Variants in RBM23 observed in about 807,000 individuals in gnomAD.
RBM23 encodes RNA binding motif protein 23.
A neutral mutation model predicts 56.2 loss-of-function variants in RBM23; 53 were observed. The ratio of observed to expected loss-of-function variants is 0.94; its 90% CI spans 0.76 to 1.19. The LOEUF (loss-of-function observed/expected upper bound fraction) is 1.19. Among genes scored for constraint, RBM23 ranks in the 50% most tolerant of loss-of-function variants. RBM23 has a pLI of 0.00. For missense variants in RBM23, 642 were observed against 590.3 expected (o/e 1.09, Z -0.91); for synonymous variants, 197 against 198.5 (o/e 0.99, Z 0.06).
rs531525731 is a variant in RBM23 at position 22,899,792 on chromosome 14, G to A, written c.*1938C>T. 6.6e-6 allele frequency: 1 copy of A among 152,222 alleles called. No homozygotes were observed. Among genetic ancestry groups the A allele is most frequent in the East Asian group, 1.9e-4 (1 of 5,204 alleles). 9.4% of individuals were successfully genotyped at this position (152,222 alleles called of 1,614,324 possible). ...TCAAGCAGGCTTCAAGTATTTAAAT[G>A]ATTTTGTGTTAAAAGCAACCCCAGA... On this transcript the variant is annotated 3_prime_UTR_variant, in exon 14 of 14. Coordinates refer to ENST00000359890, the MANE Select transcript of RBM23 (RefSeq NM_001077351.2).
At chr14:22,904,832 C>T (rs1392358877) in intron 9 of RBM23, 43 bp downstream of exon 9, 1 of 1,611,246 alleles carries the variant, frequency 6.2e-7, no homozygotes, top group Non-Finnish European at 8.5e-7. Flanking sequence ...ACCCTCCCCA[C>T]TTCTTCCAAT....
chr14:22,913,566 A>C (rs1010591176), intron 1 of RBM23, among the ~76,000 whole-genome samples: 1 of 151,938 alleles, frequency 6.6e-6, no homozygotes, highest in African/African-American at 2.4e-5. Context: ...GTTTGACACC[A>C]ACCTGACAAT....
chr14:22,910,515 G>A (rs1445188785), intron 2 of RBM23, among the ~76,000 whole-genome samples: 4 of 146,952 alleles, frequency 2.7e-5, no homozygotes, highest in African/African-American at 5.0e-5. Context: ...AAGGAAGGGA[G>A]AAGGAGGGAG....
At chr14:22,906,767 G>A (rs544964384) in intron 4 of RBM23, among the ~76,000 whole-genome samples, 4 of 152,344 alleles carry the variant, frequency 2.6e-5, no homozygotes, top group South Asian at 2.1e-4. Flanking sequence ...GGCTGGGCGC[G>A]GTGGCTCACG....
intron 1 of RBM23, 121 bp downstream of exon 1, chr14:22,918,878 A>C (rs1039492883): frequency 6.6e-6 from 1 of 152,164 alleles, no homozygotes; most frequent in African/African-American, 2.4e-5. Context: ...TTTAATGTTA[A>C]AAGTTCGCCT....
At chr14:22,909,162 C>T (rs113966566) in intron 3 of RBM23, among the ~76,000 whole-genome samples, 10,981 of 151,930 alleles carry the variant, frequency 0.072, 748 homozygotes, top group African/African-American at 0.18. Context: ...AATCTGGTCT[C>T]GAACTCCTGA....
chr14:22,908,544 C>T, intron 3 of RBM23, 164 bp from the exon 4 acceptor site: 3 of 627,716 alleles, frequency 4.8e-6, no homozygotes, highest in Non-Finnish European at 7.8e-6. Flanking sequence ...AGGCATGTAC[C>T]ATCATGCCCA....
intron 9 of RBM23, 91 bp downstream of exon 9, chr14:22,904,784 C>A: frequency 6.4e-7 from 1 of 1,561,562 alleles, no homozygotes; most frequent in Non-Finnish European, 8.7e-7. Flanking sequence ...GCAGGTTAAT[C>A]ACGGCCAGGC....
chr14:22,903,920 A>C (rs1173798016), intron 10 of RBM23: 8 of 1,229,426 alleles, frequency 6.5e-6, no homozygotes, highest in Non-Finnish European at 8.2e-6. Context: ...CAATTCTATA[A>C]AGCATGTCTT....
intron 1 of RBM23, among the ~76,000 whole-genome samples, chr14:22,918,497 T>C (rs1308606110): frequency 1.3e-5 from 2 of 152,164 alleles, no homozygotes; most frequent in Non-Finnish European, 2.9e-5. Flanking sequence ...ATAATACGCC[T>C]ACTGGAATGA....
intron 1 of RBM23, among the ~76,000 whole-genome samples, chr14:22,918,281 G>A (rs1305876380): frequency 1.3e-5 from 2 of 152,032 alleles, no homozygotes; most frequent in Non-Finnish European, 2.9e-5. Context: ...TGTAATCCCA[G>A]CTACTCGGGA....
At chr14:22,904,071 G>A (rs932270366) in intron 10 of RBM23, 190 bp downstream of exon 10, 5 of 1,522,646 alleles carry the variant, frequency 3.3e-6, no homozygotes, top group Non-Finnish European at 4.4e-6. Context: ...CTGACAGAGT[G>A]TAGGAGCAAA....
chr14:22,909,198 C>T (rs1341927195), intron 3 of RBM23, among the ~76,000 whole-genome samples: 1 of 152,200 alleles, frequency 6.6e-6, no homozygotes, highest in Non-Finnish European at 1.5e-5. Flanking sequence ...CCACCTCGGC[C>T]TCCCAAAGTG....
At position 22,905,617 on chromosome 14, in the gene RBM23, C is replaced by A; in HGVS notation, c.444G>T (p.Lys148Asn). 6.2e-7 allele frequency: 1 copy of A among 1,610,898 alleles called. No individual in the cohort carries two copies. The highest frequency in any genetic ancestry group is 1.3e-5 in the African/African-American group (1 of 75,022). ...GHSKSPHFREKSPVREPVDNL... is the reference protein window; with the variant it reads ...GHSKSPHFRENSPVREPVDNL... ...CATTATCAACCCACCTGACTGGGCT[C>A]TTCTCTCTGAAATGAGGACTCTTAC... Residue 148 changes from lysine to asparagine, a missense_variant, in exon 6 of 14, where the codon AAG (lysine) becomes AAT (asparagine). Coordinates refer to ENST00000359890, the MANE Select transcript of RBM23 (RefSeq NM_001077351.2).
intron 10 of RBM23, 103 bp downstream of exon 10, chr14:22,904,158 C>A: frequency 1.3e-6 from 2 of 1,595,346 alleles, no homozygotes; most frequent in Non-Finnish European, 1.7e-6. Context: ...GTTTATGGGT[C>A]ATTTAGACAG....
At chr14:22,914,986 CAAAAAAAAA>C (rs367972024) in intron 1 of RBM23, among the ~76,000 whole-genome samples, 1 of 101,970 alleles carries the variant, frequency 9.8e-6, no homozygotes, top group Admixed American at 1.1e-4. Context: ...GACTCCATCT[CAAAAAAAAA>C]AAAAAAAAAG....
In RBM23 at chr14:22,905,181, T is replaced by G. The variant is rs1360784740; in HGVS notation, c.639A>C (p.Glu213Asp). Residue 213 changes from glutamate (E) to aspartate (D), a missense_variant, in exon 8 of 14, where the codon GAA becomes GAC. Coordinates refer to ENST00000359890, the MANE Select transcript of RBM23 (RefSeq NM_001077351.2). Reference sequence around the variant, plus strand: ...GTGGCACAGACTGGATTTCACAGAATTCCACGTAGGCAATGCCCTTAGAAC... The same window carrying G: ...GTGGCACAGACTGGATTTCACAGAAGTCCACGTAGGCAATGCCCTTAGAAC... ...SRRSKGIAYV[E>D]FCEIQSVPLA... The G allele has an allele frequency of 1.2e-6, 2 of 1,614,220 alleles. No homozygotes were observed. Among genetic ancestry groups the G allele is most frequent in the Non-Finnish European group, 1.7e-6 (2 of 1,180,022 alleles).
rs2040336207 is a variant in RBM23, at chr14:22,900,259, GGCAGGTACAAAGGCCA to G, written c.*1455_*1470del. 6.6e-6 allele frequency: 1 copy of G among 152,128 alleles called. No individual in the cohort carries two copies. The highest frequency in any genetic ancestry group is 2.4e-5 in the African/African-American group (1 of 41,408). The allele number at this position is 152,128 out of a possible 1,614,324, so 9.4% of individuals were successfully genotyped here. ...GATCGCTACTACAAAGAGGGTCAAAGGCAGGTACAAAGGCCAATAGAGTTAAGAAAGCTCAGCTTAG... is the reference window on the plus strand; with the variant it reads ...GATCGCTACTACAAAGAGGGTCAAAGATAGAGTTAAGAAAGCTCAGCTTAG... On this transcript the variant is annotated 3_prime_UTR_variant, in exon 14 of 14. Transcript: ENST00000359890.
In RBM23 at chr14:22,906,186, A is replaced by C; in HGVS notation, c.401+9T>G. The C allele has an allele frequency of 6.2e-7, 1 of 1,613,370 alleles. No individual in the cohort carries two copies. On this transcript the variant is annotated intron_variant, in intron 5 of 13. Coordinates refer to ENST00000359890, the MANE Select transcript of RBM23 (RefSeq NM_001077351.2). ...ATACAAAAGTGAATCTATTAGCAAAAAGTGATACCCAGTGGCAAGTGGAGG... is the reference window on the plus strand; with the variant it reads ...ATACAAAAGTGAATCTATTAGCAAACAGTGATACCCAGTGGCAAGTGGAGG...
Sources: gnomAD v4.1 joint callset for allele counts (sites outside exome capture counted in the v4.1 genomes callset) on GRCh38, gnomAD v4.1.1 for gene constraint, MANE v1.5 for transcripts, NCBI Gene and HGNC (gene_info 2026-07-23, HGNC 2026-07-21) for gene names.